PEX5L: variants seen among roughly 807,000 people sequenced by gnomAD.
PEX5L encodes the protein PEX5-related protein.
A neutral mutation model predicts 84.0 loss-of-function variants in PEX5L; 30 were observed. The ratio of observed to expected loss-of-function variants is 0.36; its 90% CI spans 0.27 to 0.48. The LOEUF is 0.48. PEX5L is among the 20% of genes least tolerant of loss of function. The pLI is 0.99. For synonymous variants in PEX5L, 270 were observed against 283.1 expected (o/e 0.95, Z 0.46); for missense variants, 533 against 754.6 (o/e 0.71, Z 3.44).
At chr3:179,811,633 C>T (rs772347218) in intron 11 of PEX5L, among the ~76,000 whole-genome samples, 168 bp downstream of exon 11, 1 of 152,166 alleles carries the variant, frequency 6.6e-6, no homozygotes, top group South Asian at 2.1e-4. Context: ...TGACTTCATT[C>T]TAAGTTGTTT....
At chr3:179,855,636 C>T (rs1364369982) in intron 8 of PEX5L, among the ~76,000 whole-genome samples, 1 of 152,126 alleles carries the variant, frequency 6.6e-6, no homozygotes, top group Non-Finnish European at 1.5e-5. Flanking sequence ...TATGTTGAAA[C>T]CTAACTCCAA....
chr3:179,959,838 A>G (rs958158740), intron 2 of PEX5L, among the ~76,000 whole-genome samples: 5 of 152,206 alleles, frequency 3.3e-5, no homozygotes, highest in African/African-American at 1.2e-4. Context: ...CTGTGGCAGC[A>G]GAGCAGAATA....
At chr3:179,832,743 C>T (rs912348508) in intron 8 of PEX5L, among the ~76,000 whole-genome samples, 15 of 151,650 alleles carry the variant, frequency 9.9e-5, no homozygotes, top group Non-Finnish European at 1.6e-4. Context: ...TACCTACCCA[C>T]GTACCTACCT....
At chr3:180,005,455 G>A (rs561648722) in intron 1 of PEX5L, among the ~76,000 whole-genome samples, 4 of 152,248 alleles carry the variant, frequency 2.6e-5, no homozygotes, top group Admixed American at 1.3e-4. Context: ...TAGGCTGGGC[G>A]TGGTGGCTCA....
intron 1 of PEX5L, among the ~76,000 whole-genome samples, chr3:180,028,595 A>G (rs999401079): frequency 6.6e-6 from 1 of 152,192 alleles, no homozygotes; most frequent in African/African-American, 2.4e-5. Flanking sequence ...GGTGTAATGA[A>G]AATAATATAC....
At chr3:179,915,372 C>T (rs767827399) in intron 2 of PEX5L, among the ~76,000 whole-genome samples, 1 of 152,122 alleles carries the variant, frequency 6.6e-6, no homozygotes, top group Non-Finnish European at 1.5e-5. Context: ...GGAGACCTAG[C>T]TGGCATAGAG....
At chr3:179,860,442 A>G (rs908928593) in intron 7 of PEX5L, among the ~76,000 whole-genome samples, 4 of 152,228 alleles carry the variant, frequency 2.6e-5, no homozygotes, top group Admixed American at 6.5e-5. Flanking sequence ...CGTGGGAATT[A>G]CTTGAACAGG....
At position 179,880,026 on chromosome 3, in the gene PEX5L, GGATGAGGTTTTT is replaced by G; in HGVS notation, c.396_407del (p.Lys133_Ser136del). 6.2e-7 allele frequency: 1 copy of G among 1,613,972 alleles called. No individual in the cohort carries two copies. Among genetic ancestry groups the G allele is most frequent in the South Asian group, 1.1e-5 (1 of 91,076 alleles). ...CAGATCCATCGGCCTTTTTCTTGAGGGATGAGGTTTTTGATGAGGGCTCTGACTTCTTGGCTT... is the reference window on the plus strand; with the variant it reads ...CAGATCCATCGGCCTTTTTCTTGAGGGATGAGGGCTCTGACTTCTTGGCTT... On this transcript the variant is annotated inframe_deletion, in exon 5 of 15. Transcript: ENST00000467460.
intron 1 of PEX5L, among the ~76,000 whole-genome samples, chr3:179,988,293 C>T (rs1787043865): frequency 6.6e-6 from 1 of 151,712 alleles, no homozygotes; most frequent in African/African-American, 2.4e-5. Context: ...CCCAGCTACT[C>T]GGGAGGCTGA....
At position 179,811,588 on chromosome 3, in the gene PEX5L, A is replaced by G. The variant is rs949232367; in HGVS notation, c.1154+213T>C. Among the ~76,000 whole-genome samples the G allele has an allele frequency of 2.6e-4, 39 of 152,186 alleles. 1 individual carries two copies. Among genetic ancestry groups the G allele is most frequent in the Admixed American group, 2.5e-3 (38 of 15,266 alleles). On this transcript the variant is annotated intron_variant, in intron 11 of 14. Coordinates refer to ENST00000467460, the MANE Select transcript of PEX5L (RefSeq NM_016559.3). The stretch of plus-strand genomic sequence containing the variant: ...CTTTCTCTGGTGCCAGTGAATGTCC[A>G]TTGATTTGTAGATAGTAAGACATTG...
At chr3:179,851,075 G>C (rs1351807482) in intron 8 of PEX5L, among the ~76,000 whole-genome samples, 2 of 152,326 alleles carry the variant, frequency 1.3e-5, no homozygotes, top group South Asian at 4.1e-4. Context: ...AAGCACTTTT[G>C]AGTTTATGTC....
chr3:179,926,576 C>G (rs1308540898), intron 2 of PEX5L, among the ~76,000 whole-genome samples: 1 of 152,206 alleles, frequency 6.6e-6, no homozygotes, highest in Non-Finnish European at 1.5e-5. Flanking sequence ...TGTGCTAATT[C>G]TGTTCAAAGT....
At chr3:179,887,829 C>A in intron 3 of PEX5L, 45 bp from the exon 4 acceptor site, 1 of 1,278,766 alleles carries the variant, frequency 7.8e-7, no homozygotes, top group South Asian at 1.2e-5. Flanking sequence ...TGTTAAACTG[C>A]AGAGTCAGAT....
In PEX5L at chr3:179,816,066, A is replaced by G. The variant is rs991258680; in HGVS notation, c.940-62T>C. The G allele has an allele frequency of 5.7e-5, 87 of 1,520,122 alleles. 1 individual carries two copies. In the Admixed American group the frequency reaches 1.3e-3, roughly 24 times the overall value. 94.2% of individuals were successfully genotyped at this position (1,520,122 alleles called of 1,614,324 possible). A position where few individuals can be genotyped will look rare whatever the true frequency, so the allele number is the denominator to read the frequency against. On this transcript the variant is annotated intron_variant, in intron 9 of 14. Transcript: ENST00000467460. ...ATTTCTCTTCTCATTCTCACATTCA[A>G]TAAGTTCTCATTAAAAAGTCAGGAA...
chr3:179,883,794 T>A (rs1177042114), intron 4 of PEX5L, among the ~76,000 whole-genome samples: 1 of 151,708 alleles, frequency 6.6e-6, no homozygotes, highest in Non-Finnish European at 1.5e-5. Flanking sequence ...CAAAAAAAAA[T>A]GTCTCTCTGA....
At position 180,010,300 on chromosome 3, in the gene PEX5L, G is replaced by T. The variant is rs188573784; in HGVS notation, c.21+26279C>A. On this transcript the variant is annotated intron_variant, in intron 1 of 14. Coordinates refer to ENST00000467460, the MANE Select transcript of PEX5L (RefSeq NM_016559.3). The stretch of plus-strand genomic sequence containing the variant: ...ATGGAGGTCTTACTATGTTGCCTAG[G>T]CTGGCCTTGAACTCCTGGGCTCAAG... 1.0e-4 allele frequency among the ~76,000 whole-genome samples: 14 copies of T among 135,290 alleles called. 1 individual carries two copies. The highest frequency in any genetic ancestry group is 3.4e-4 in the African/African-American group (11 of 32,506). The allele number at this position is 135,290 out of a possible 152,430, so 88.8% of individuals were successfully genotyped here. A position where few individuals can be genotyped will look rare whatever the true frequency, so the allele number is the denominator to read the frequency against.
intron 1 of PEX5L, among the ~76,000 whole-genome samples, chr3:179,995,566 C>T (rs1036549771): frequency 2.6e-5 from 4 of 152,062 alleles, no homozygotes; most frequent in Non-Finnish European, 4.4e-5. Flanking sequence ...ATACCTCTGA[C>T]CATATGTGGA....
Position 179,795,208 on chromosome 3 carries a change from C to T in PEX5L, c.*6620G>A, listed in dbSNP as rs1169664775. ...TCAGAAGGAGTTCTGATCCCCAAATCCCATTTTGAAAGATTCCTGAAAAGA... is the reference window on the plus strand; with the variant it reads ...TCAGAAGGAGTTCTGATCCCCAAATTCCATTTTGAAAGATTCCTGAAAAGA... On this transcript the variant is annotated 3_prime_UTR_variant, in exon 15 of 15. Coordinates refer to ENST00000467460, the MANE Select transcript of PEX5L (RefSeq NM_016559.3). 1.3e-5 allele frequency: 2 copies of T among 152,108 alleles called. No homozygotes were observed. Among genetic ancestry groups the T allele is most frequent in the African/African-American group, 4.8e-5 (2 of 41,436 alleles). 9.4% of individuals were successfully genotyped at this position (152,108 alleles called of 1,614,324 possible). A position where few individuals can be genotyped will look rare whatever the true frequency, so the allele number is the denominator to read the frequency against.
chr3:179,807,865 G>A (rs751955756), intron 13 of PEX5L, 34 bp from the exon 14 acceptor site: 7 of 1,587,574 alleles, frequency 4.4e-6, no homozygotes, highest in African/African-American at 1.3e-5. Flanking sequence ...TAACAACCCA[G>A]TACAAGGCAC....
Sources: allele counts gnomAD v4.1 joint callset (sites outside exome capture counted in the v4.1 genomes callset), GRCh38; gene constraint gnomAD v4.1.1; transcripts MANE v1.5; gene names NCBI Gene and HGNC (gene_info 2026-07-23, HGNC 2026-07-21).